CNTNAP2: variants seen among roughly 807,000 people sequenced by gnomAD.
CNTNAP2 encodes the protein contactin associated protein 2.
A neutral mutation model predicts 155.2 loss-of-function variants in CNTNAP2; 98 were observed. That is an observed-to-expected ratio of 0.63 (90% CI 0.54 to 0.75). The LOEUF is 0.75. CNTNAP2 is among the 30% of genes least tolerant of loss of function. The pLI, the probability that CNTNAP2 is intolerant of heterozygous loss-of-function variation, is 0.00. For missense variants in CNTNAP2, 1,727 were observed against 1,688.1 expected, an observed-to-expected ratio of 1.02 and a Z score of -0.40; for synonymous variants, 651 against 631.2, an observed-to-expected ratio of 1.03 and a Z score of -0.47.
intron 15 of CNTNAP2, among the ~76,000 whole-genome samples, chr7:148,055,851 G>A (rs1213617488): frequency 6.6e-6 from 1 of 152,166 alleles, no homozygotes; most frequent in South Asian, 2.1e-4. Context: ...AGGAGGCAGT[G>A]GGTTTCTTAT....
At chr7:146,639,837 C>T (rs889553720) in intron 1 of CNTNAP2, among the ~76,000 whole-genome samples, 13 of 152,336 alleles carry the variant, frequency 8.5e-5, no homozygotes, top group African/African-American at 2.9e-4. Flanking sequence ...GGTTAAAAGT[C>T]TTTGTCCACA....
chr7:147,528,107 A>C (rs917989998), intron 11 of CNTNAP2, among the ~76,000 whole-genome samples: 4 of 152,204 alleles, frequency 2.6e-5, no homozygotes, highest in Non-Finnish European at 5.9e-5. Context: ...GGTTGCACCT[A>C]TATGTGGCCA....
chr7:147,476,026 A>G (rs1385009654), intron 10 of CNTNAP2, among the ~76,000 whole-genome samples: 3 of 152,154 alleles, frequency 2.0e-5, no homozygotes, highest in Non-Finnish European at 4.4e-5. Flanking sequence ...TTTATCTACT[A>G]TCGATAATCT....
At chr7:147,956,144 G>A (rs746420015) in intron 14 of CNTNAP2, among the ~76,000 whole-genome samples, 4 of 151,964 alleles carry the variant, frequency 2.6e-5, no homozygotes, top group Non-Finnish European at 5.9e-5. Context: ...CAATAAACAG[G>A]CATTGTGAAA....
chr7:147,573,781 C>T (rs1800339482), intron 12 of CNTNAP2, among the ~76,000 whole-genome samples: 1 of 152,096 alleles, frequency 6.6e-6, no homozygotes, highest in African/African-American at 2.4e-5. Context: ...GTTTATTTAT[C>T]CAAGAATGTC....
At chr7:146,526,373 A>G (rs942907774) in intron 1 of CNTNAP2, among the ~76,000 whole-genome samples, 1 of 152,158 alleles carries the variant, frequency 6.6e-6, no homozygotes, top group African/African-American at 2.4e-5. Flanking sequence ...TGTGGTGCTG[A>G]TATCTGCTAG....
At chr7:148,011,750 T>A (rs1585076712) in intron 15 of CNTNAP2, among the ~76,000 whole-genome samples, 1 of 152,212 alleles carries the variant, frequency 6.6e-6, no homozygotes, top group African/African-American at 2.4e-5. Flanking sequence ...ATACTCAAAC[T>A]GTAGACCTCT....
intron 8 of CNTNAP2, among the ~76,000 whole-genome samples, chr7:147,194,143 C>T (rs1266055010): frequency 2.6e-5 from 4 of 151,494 alleles, no homozygotes; most frequent in African/African-American, 9.7e-5. Flanking sequence ...CATGTGCTCT[C>T]ATTGTTCAAC....
intron 1 of CNTNAP2, among the ~76,000 whole-genome samples, chr7:146,209,253 C>T (rs1002277153): frequency 6.6e-6 from 1 of 152,142 alleles, no homozygotes; most frequent in Non-Finnish European, 1.5e-5. Context: ...AGGTAGGCTA[C>T]CTCACTTACA....
intron 3 of CNTNAP2, among the ~76,000 whole-genome samples, chr7:146,980,692 C>G (rs1048037462): frequency 1.3e-5 from 2 of 152,232 alleles, no homozygotes; most frequent in African/African-American, 4.8e-5. Context: ...CTCTTTGAAA[C>G]AACCAGATCT....
At chr7:148,348,874 A>G (rs928564577) in intron 21 of CNTNAP2, among the ~76,000 whole-genome samples, 5 of 152,246 alleles carry the variant, frequency 3.3e-5, no homozygotes, top group Admixed American at 6.5e-5. Flanking sequence ...AGTAAACAGC[A>G]ATATAATCTT....
At chr7:147,291,492 A>G (rs1805311225) in intron 8 of CNTNAP2, among the ~76,000 whole-genome samples, 1 of 152,100 alleles carries the variant, frequency 6.6e-6, no homozygotes, top group Admixed American at 6.6e-5. Context: ...TCACTAGTTC[A>G]TTCCTTTTTC....
chr7:146,254,893 A>G (rs1799814485), intron 1 of CNTNAP2, among the ~76,000 whole-genome samples: 1 of 152,184 alleles, frequency 6.6e-6, no homozygotes, highest in Admixed American at 6.6e-5. Flanking sequence ...TCATTTAAAA[A>G]AAATAGAGAA....
chr7:147,021,319 C>A (rs558614641), intron 3 of CNTNAP2, among the ~76,000 whole-genome samples: 1 of 152,246 alleles, frequency 6.6e-6, no homozygotes, highest in East Asian at 1.9e-4. Flanking sequence ...ATTCTAGAAG[C>A]TGATTCACTC....
chr7:146,737,987 G>A (rs1180834129), intron 1 of CNTNAP2, among the ~76,000 whole-genome samples: 1 of 152,046 alleles, frequency 6.6e-6, no homozygotes, highest in Non-Finnish European at 1.5e-5. Context: ...ACATGGGAGT[G>A]CAGATATGTT....
intron 3 of CNTNAP2, among the ~76,000 whole-genome samples, chr7:146,894,656 A>AT (rs893250280): frequency 2.6e-5 from 4 of 152,040 alleles, no homozygotes; most frequent in East Asian, 1.9e-4. Flanking sequence ...TTTGGTCTGC[A>AT]TTTTTTTATT....
intron 11 of CNTNAP2, among the ~76,000 whole-genome samples, chr7:147,524,106 A>G (rs1799275138): frequency 6.6e-6 from 1 of 152,252 alleles, no homozygotes; most frequent in Non-Finnish European, 1.5e-5. Flanking sequence ...ACAACTGCAC[A>G]CATGGTAGCT....
At chr7:146,877,369 G>A (rs1795450663) in intron 3 of CNTNAP2, among the ~76,000 whole-genome samples, 1 of 151,830 alleles carries the variant, frequency 6.6e-6, no homozygotes, top group Admixed American at 6.6e-5. Flanking sequence ...GCCTAGTGTG[G>A]TGCCATGTGC....
At chr7:146,152,902 T>C (rs558494719) in intron 1 of CNTNAP2, among the ~76,000 whole-genome samples, 1 of 152,218 alleles carries the variant, frequency 6.6e-6, no homozygotes, top group African/African-American at 2.4e-5. Flanking sequence ...ACCTTCAATA[T>C]AAAAATATAC....
Sources: allele counts gnomAD v4.1 joint callset (sites outside exome capture counted in the v4.1 genomes callset), GRCh38; gene constraint gnomAD v4.1.1; transcripts MANE v1.5; gene names NCBI Gene and HGNC (gene_info 2026-07-23, HGNC 2026-07-21).